Variants in CNR2 observed in about 807,000 individuals in gnomAD.
CNR2 encodes the protein cannabinoid receptor 2.
For synonymous variants in CNR2, 172 were observed against 182.2 expected (o/e 0.94, Z 0.45); for missense variants, 379 against 439.9 (o/e 0.86, Z 1.24).
chr1:23,895,084 T>C (rs1476766939), intron 1 of CNR2, among the ~76,000 whole-genome samples: 2 of 151,962 alleles, frequency 1.3e-5, no homozygotes, highest in African/African-American at 4.8e-5. Context: ...TAACCAGGCA[T>C]GGTGGCGTGT....
intron 1 of CNR2, among the ~76,000 whole-genome samples, chr1:23,885,786 G>A (rs537498599): frequency 6.6e-6 from 1 of 152,148 alleles, no homozygotes; most frequent in Non-Finnish European, 1.5e-5. Flanking sequence ...GCTGAGGCAG[G>A]AGAATCACTT....
intron 1 of CNR2, 121 bp from the exon 2 acceptor site, chr1:23,875,783 G>A: frequency 1.2e-6 from 1 of 832,050 alleles, no homozygotes; most frequent in Non-Finnish European, 1.8e-6. Flanking sequence ...GGGAAAATCA[G>A]TTTCTGTTTT....
intron 1 of CNR2, chr1:23,902,369 G>T: frequency 1.9e-6 from 3 of 1,585,180 alleles, no homozygotes; most frequent in Non-Finnish European, 2.6e-6. Flanking sequence ...ACAGCAGGAC[G>T]CAGGCGTTCT....
chr1:23,898,601 A>C (rs1239076285), intron 1 of CNR2, among the ~76,000 whole-genome samples: 7 of 9,234 alleles, frequency 7.6e-4, no homozygotes, highest in Non-Finnish European at 4.1e-3. Context: ...TCAGCCTCCC[A>C]AAGTGCTGGG....
At chr1:23,901,363 C>A (rs1557533430) in intron 1 of CNR2, 17 of 994,614 alleles carry the variant, frequency 1.7e-5, no homozygotes, top group Admixed American at 3.0e-5. Context: ...TGACTACATG[C>A]CAAAGAGAGA....
At chr1:23,885,905 G>A (rs1243608407) in intron 1 of CNR2, among the ~76,000 whole-genome samples, 1 of 111,508 alleles carries the variant, frequency 9.0e-6, no homozygotes, top group African/African-American at 3.4e-5. Context: ...GCGGCGGGGG[G>A]GTGGCCAGGC....
At chr1:23,895,619 C>G (rs2502972) in intron 1 of CNR2, among the ~76,000 whole-genome samples, 124,293 of 152,000 alleles carry the variant, frequency 0.82, 50,920 homozygotes, top group Admixed American at 0.84. Flanking sequence ...AGATTCTCCT[C>G]CCTCAGCCTC....
intron 1 of CNR2, among the ~76,000 whole-genome samples, chr1:23,895,524 T>G (rs1640265931): frequency 1.3e-5 from 2 of 152,124 alleles, no homozygotes; most frequent in Non-Finnish European, 1.5e-5. Context: ...CTCTCTTTTT[T>G]TGAGACAGAG....
chr1:23,880,197 A>ATTTTT (rs1329009848), intron 1 of CNR2, among the ~76,000 whole-genome samples: 1 of 8,106 alleles, frequency 1.2e-4, no homozygotes, highest in African/African-American at 3.0e-4. Context: ...TTTTTTTTTG[A>ATTTTT]GACGGAGTCT....
At chr1:23,912,104 A>G (rs2148473461) in intron 1 of CNR2, among the ~76,000 whole-genome samples, 1 of 152,310 alleles carries the variant, frequency 6.6e-6, no homozygotes, top group Admixed American at 6.5e-5. Context: ...ACTCGCAACA[A>G]GCCTGTGAGT....
rs139887587 is a variant in CNR2, at chr1:23,901,522, G to A, written c.-46+11724C>T. ...TCTGCCCACCCTGGACCCCAGTCCC[G>A]TTGGTGCTGTCCGAGGAGCACTGGA... is the stretch of plus-strand genomic sequence containing the variant. On this transcript the variant is annotated intron_variant, in intron 1 of 1. Transcript: ENST00000374472. 800 of 1,602,764 alleles carry A rather than the reference G, an allele frequency of 5.0e-4. 1 individual carries two copies. The highest frequency in any genetic ancestry group is 6.2e-4 in the South Asian group (55 of 89,044).
rs1165365247 is a variant in CNR2 at position 23,872,485 on chromosome 1, C to T, written c.*2050G>A. 3.3e-5 allele frequency: 5 copies of T among 151,988 alleles called. No individual in the cohort carries two copies. The highest frequency in any genetic ancestry group is 4.8e-5 in the African/African-American group (2 of 41,372). 9.4% of individuals were successfully genotyped at this position (151,988 alleles called of 1,614,324 possible). On this transcript the variant is annotated 3_prime_UTR_variant, in exon 2 of 2. Transcript: ENST00000374472. ...TGCAGCAATCTGATGCTACAGATAGCTAATATTATCCCTAATGAGCAATAA... is the reference window on the plus strand; with the variant it reads ...TGCAGCAATCTGATGCTACAGATAGTTAATATTATCCCTAATGAGCAATAA...
chr1:23,890,745 CA>C (rs34698652), intron 1 of CNR2, among the ~76,000 whole-genome samples: 117,406 of 140,016 alleles, frequency 0.84, 48,971 homozygotes, highest in Admixed American at 0.85. Context: ...GACTCTGTCT[CA>C]AAAAAAAAAA....
intron 1 of CNR2, among the ~76,000 whole-genome samples, chr1:23,899,930 AGAGAAAGAAAGGAAAGAGAAAGAAAG>A (rs773284566): frequency 0.9 from 102,528 of 113,556 alleles, 46,020 homozygotes; most frequent in East Asian, 0.97. Flanking sequence ...AGAGAAAGAA[AGAGAAAGAAAGGAAAGAGAAAGAAAG>A]GAAAGAAAGA....
intron 1 of CNR2, among the ~76,000 whole-genome samples, chr1:23,910,670 A>G (rs2148472903): frequency 6.6e-6 from 1 of 150,524 alleles, no homozygotes. Context: ...AAAAAAAAAA[A>G]AAAAAAAAAG....
At chr1:23,890,622 G>C (rs1640171975) in intron 1 of CNR2, among the ~76,000 whole-genome samples, 1 of 151,842 alleles carries the variant, frequency 6.6e-6, no homozygotes, top group African/African-American at 2.4e-5. Context: ...GTGCACTCTT[G>C]TAATCCCAGC....
intron 1 of CNR2, among the ~76,000 whole-genome samples, chr1:23,909,165 C>G (rs1640545363): frequency 6.6e-6 from 1 of 152,152 alleles, no homozygotes; most frequent in African/African-American, 2.4e-5. Context: ...CCTTCCCTCC[C>G]TGCTTGGCCC....
intron 1 of CNR2, among the ~76,000 whole-genome samples, chr1:23,882,651 CAAAAAAAAA>C (rs34245051): frequency 5.3e-5 from 6 of 112,658 alleles, no homozygotes; most frequent in East Asian, 2.5e-4. Context: ...ACTAAAAATA[CAAAAAAAAA>C]AAAAAAAAAA....
chr1:23,904,169 C>G (rs1199879928), intron 1 of CNR2, among the ~76,000 whole-genome samples: 2 of 150,166 alleles, frequency 1.3e-5, no homozygotes, highest in South Asian at 2.1e-4. Context: ...TTTTTTTGTT[C>G]GTTTCATTGT....
Sources: allele counts gnomAD v4.1 joint callset (sites outside exome capture counted in the v4.1 genomes callset), GRCh38; gene constraint gnomAD v4.1.1; transcripts MANE v1.5; gene names NCBI Gene and HGNC (gene_info 2026-07-23, HGNC 2026-07-21).